Variants in NXPH1 observed in about 807,000 individuals in gnomAD.
NXPH1 encodes neurexophilin-1.
In NXPH1, 5 loss-of-function variants were observed where a neutral mutation model predicts 23.7. The ratio of observed to expected loss-of-function variants is 0.21; its 90% CI spans 0.11 to 0.44. NXPH1 has a LOEUF of 0.44. NXPH1 is among the 20% of genes least tolerant of loss of function. NXPH1 has a pLI of 0.99. For missense variants in NXPH1, 324 were observed against 321.6 expected, an observed-to-expected ratio of 1.01 and a Z score of -0.06; for synonymous variants, 144 against 122.2, an observed-to-expected ratio of 1.18 and a Z score of -1.18.
chr7:8,672,868 G>C (rs1038145102), intron 2 of NXPH1, among the ~76,000 whole-genome samples: 1 of 152,166 alleles, frequency 6.6e-6, no homozygotes, highest in African/African-American at 2.4e-5. Flanking sequence ...CTGAGCATCT[G>C]TTCTTTCCCC....
At chr7:8,663,914 C>G (rs1820719746) in intron 2 of NXPH1, among the ~76,000 whole-genome samples, 1 of 152,096 alleles carries the variant, frequency 6.6e-6, no homozygotes, top group South Asian at 2.1e-4. Flanking sequence ...ACCCTTTTTA[C>G]TGGATTTAGA....
rs188283989 is a variant in NXPH1, at chr7:8,699,874, T to C, written c.55-51134T>C. ...GGTGATTTGTGCTGTCTTTGTCTTATGGATAGAAAGGGAAGATCCACTTAC... is the reference window on the plus strand; with the variant it reads ...GGTGATTTGTGCTGTCTTTGTCTTACGGATAGAAAGGGAAGATCCACTTAC... On this transcript the variant is annotated intron_variant, in intron 2 of 2. Transcript: ENST00000405863. 8.5e-5 allele frequency among the ~76,000 whole-genome samples: 13 copies of C among 152,266 alleles called. No homozygotes were observed. The South Asian group carries it at 1.2e-3, about 15-fold the overall frequency.
chr7:8,740,147 C>T (rs916252879), intron 2 of NXPH1, among the ~76,000 whole-genome samples: 2 of 152,172 alleles, frequency 1.3e-5, no homozygotes, highest in African/African-American at 2.4e-5. Context: ...TTTCCTTTCT[C>T]CTTCAGGGTT....
At chr7:8,547,585 A>G (rs1818216908) in intron 2 of NXPH1, among the ~76,000 whole-genome samples, 1 of 151,374 alleles carries the variant, frequency 6.6e-6, no homozygotes, top group African/African-American at 2.4e-5. Flanking sequence ...TAGTGTACCC[A>G]TTGCCCAAAT....
chr7:8,692,130 G>A (rs1821230939), intron 2 of NXPH1, among the ~76,000 whole-genome samples: 1 of 151,568 alleles, frequency 6.6e-6, no homozygotes, highest in African/African-American at 2.4e-5. Flanking sequence ...ATGGCAGGGA[G>A]GGCTTACTAG....
chr7:8,532,205 A>T (rs1336143616), intron 2 of NXPH1, among the ~76,000 whole-genome samples: 1 of 152,130 alleles, frequency 6.6e-6, no homozygotes, highest in Non-Finnish European at 1.5e-5. Context: ...TATAGGCTTT[A>T]AAAAAACCAT....
intron 2 of NXPH1, among the ~76,000 whole-genome samples, chr7:8,676,048 A>G (rs1820946320): frequency 6.6e-6 from 1 of 152,138 alleles, no homozygotes; most frequent in Admixed American, 6.6e-5. Flanking sequence ...TGTTTTTCTT[A>G]ACAATTTAAC....
intron 2 of NXPH1, among the ~76,000 whole-genome samples, chr7:8,582,954 C>A (rs1314806827): frequency 1.3e-5 from 2 of 152,200 alleles, no homozygotes; most frequent in Non-Finnish European, 2.9e-5. Context: ...AAGCCACCCT[C>A]AGCACCCCCT....
At chr7:8,584,077 T>C (rs975915301) in intron 2 of NXPH1, among the ~76,000 whole-genome samples, 19 of 152,236 alleles carry the variant, frequency 1.2e-4, no homozygotes, top group African/African-American at 4.6e-4. Context: ...CTGTGTACTT[T>C]ACAGATATTA....
chr7:8,672,660 A>G (rs1820889668), intron 2 of NXPH1, among the ~76,000 whole-genome samples: 1 of 152,204 alleles, frequency 6.6e-6, no homozygotes, highest in Admixed American at 6.5e-5. Context: ...TTGAAGAAAT[A>G]ATAAGTGAGA....
At chr7:8,535,692 A>AAGAGAT (rs1818015680) in intron 2 of NXPH1, among the ~76,000 whole-genome samples, 1 of 152,018 alleles carries the variant, frequency 6.6e-6, no homozygotes, top group African/African-American at 2.4e-5. Context: ...GGTAAGAAGA[A>AAGAGAT]AGAGATAGAG....
intron 2 of NXPH1, among the ~76,000 whole-genome samples, chr7:8,570,274 G>C (rs1818619802): frequency 6.6e-6 from 1 of 151,920 alleles, no homozygotes; most frequent in Non-Finnish European, 1.5e-5. Context: ...ATATGATAAT[G>C]GAGGCAGCAT....
chr7:8,445,416 G>T (rs1369186343), intron 2 of NXPH1, among the ~76,000 whole-genome samples: 1 of 152,190 alleles, frequency 6.6e-6, no homozygotes, highest in Non-Finnish European at 1.5e-5. Flanking sequence ...GAGGTGACTG[G>T]AAACAGCTGC....
intron 2 of NXPH1, among the ~76,000 whole-genome samples, chr7:8,633,085 C>T (rs1474343994): frequency 1.3e-5 from 2 of 152,192 alleles, no homozygotes; most frequent in African/African-American, 4.8e-5. Context: ...TGCAACCAAA[C>T]TCACATAAAA....
At chr7:8,652,984 C>G (rs974486459) in intron 2 of NXPH1, among the ~76,000 whole-genome samples, 2 of 152,096 alleles carry the variant, frequency 1.3e-5, no homozygotes, top group Admixed American at 6.6e-5. Context: ...CATTGATCCT[C>G]CCACCTCCAC....
intron 2 of NXPH1, among the ~76,000 whole-genome samples, chr7:8,532,947 G>A (rs1467959767): frequency 1.3e-5 from 2 of 152,122 alleles, no homozygotes; most frequent in African/African-American, 4.8e-5. Flanking sequence ...GATAAATAGT[G>A]TACTATTGCC....
intron 2 of NXPH1, among the ~76,000 whole-genome samples, chr7:8,548,714 G>A (rs1818233445): frequency 6.6e-6 from 1 of 151,416 alleles, no homozygotes; most frequent in Non-Finnish European, 1.5e-5. Context: ...GCTTACTATG[G>A]GACCTGTGCT....
intron 2 of NXPH1, among the ~76,000 whole-genome samples, chr7:8,598,040 G>C (rs1175664993): frequency 6.6e-6 from 1 of 152,094 alleles, no homozygotes; most frequent in Non-Finnish European, 1.5e-5. Flanking sequence ...TGATTATTAA[G>C]CAGTTTTCTC....
chr7:8,729,172 G>A (rs1330648145), intron 2 of NXPH1, among the ~76,000 whole-genome samples: 1 of 151,276 alleles, frequency 6.6e-6, no homozygotes, highest in African/African-American at 2.4e-5. Context: ...ATTTCTGTGG[G>A]ATCGGTGGTG....
Sources: allele counts gnomAD v4.1 joint callset (sites outside exome capture counted in the v4.1 genomes callset), GRCh38; gene constraint gnomAD v4.1.1; transcripts MANE v1.5; gene names NCBI Gene and HGNC (gene_info 2026-07-23, HGNC 2026-07-21).